The following RHBDD3 variants were observed in gnomAD, a reference collection of about 807,000 sequenced individuals.
RHBDD3 encodes rhomboid domain containing 3, also known as rhomboid domain-containing protein 3.
RHBDD3 carries 34 observed loss-of-function variants against 32.3 expected under a neutral mutation model. The observed-to-expected ratio is 1.05, with a 90% confidence interval of 0.80 to 1.40. RHBDD3 has a LOEUF of 1.40. RHBDD3 is among the 40% of genes most tolerant of loss of function. RHBDD3 has a pLI of 0.00. For synonymous variants in RHBDD3, 249 were observed against 239.1 expected, an observed-to-expected ratio of 1.04 and a Z score of -0.38; for missense variants, 482 against 492.6, an observed-to-expected ratio of 0.98 and a Z score of 0.20.
chr22:29,262,160 GGAGA>G (rs2058127918), intron 4 of RHBDD3: 5 of 61,570 alleles, frequency 8.1e-5, no homozygotes, highest in African/African-American at 2.1e-4. Flanking sequence ...TTTTTTTTTT[GGAGA>G]GAGTCTTGCT....
rs2058089015 is a variant in RHBDD3 at position 29,259,920 on chromosome 22, C to T, written c.*140G>A. On this transcript the variant is annotated 3_prime_UTR_variant, in exon 7 of 7. Transcript: ENST00000216085. ...TCTAAACACGTACTAGGGCAGCATGCTGGGGGGCCTCTCCTGCCTCCAGAG... is the reference window on the plus strand; with the variant it reads ...TCTAAACACGTACTAGGGCAGCATGTTGGGGGGCCTCTCCTGCCTCCAGAG... The T allele has an allele frequency of 1.3e-6, 1 of 797,478 alleles. No individual in the cohort carries two copies. Among genetic ancestry groups the T allele is most frequent in the Non-Finnish European group, 1.9e-6 (1 of 516,386 alleles). 49.4% of individuals were successfully genotyped at this position (797,478 alleles called of 1,614,324 possible). A position where few individuals can be genotyped will look rare whatever the true frequency, so the allele number is the denominator to read the frequency against.
rs760030020 is a variant in RHBDD3, at chr22:29,260,439, C to T, written c.870G>A (p.Ala290=). The change falls in exon 6 of 7, where the codon GCG becomes GCA. Residue 290 remains alanine (A), a synonymous_variant. Coordinates refer to ENST00000216085, the MANE Select transcript of RHBDD3 (RefSeq NM_012265.3). ...ASFSPGTPMW[A]ALDEQMLQEG... is the part of the protein sequence containing the mutation. Reference sequence around the variant, plus strand: ...CCTGCAGCATCTGCTCATCCAAGGCCGCCCACATCGGAGTCCCTGGGGAGA... The same window carrying T: ...CCTGCAGCATCTGCTCATCCAAGGCTGCCCACATCGGAGTCCCTGGGGAGA... 1.6e-5 allele frequency: 26 copies of T among 1,610,888 alleles called. No homozygotes were observed. In the Admixed American group the frequency reaches 1.7e-4, roughly 10 times the overall value.
chr22:29,263,473 C>T (rs1004092816), intron 4 of RHBDD3, among the ~76,000 whole-genome samples: 2 of 152,214 alleles, frequency 1.3e-5, no homozygotes, highest in African/African-American at 4.8e-5. Flanking sequence ...CCACTGCGCC[C>T]GGTCAGGCTT....
At chr22:29,266,275 A>G (rs2058176046) in intron 2 of RHBDD3, among the ~76,000 whole-genome samples, 1 of 152,016 alleles carries the variant, frequency 6.6e-6, no homozygotes, top group Admixed American at 6.5e-5. Flanking sequence ...CCCTTTCCAC[A>G]GGAAGGGTAC....
Position 29,265,481 on chromosome 22 carries a change from T to A in RHBDD3, c.146A>T (p.Gln49Leu), listed in dbSNP as rs1444429209. 9 of 1,527,242 alleles carry A rather than the reference T, an allele frequency of 5.9e-6. No homozygotes were observed. The highest frequency in any genetic ancestry group is 7.0e-6 in the Non-Finnish European group (8 of 1,144,856). The allele number at this position is 1,527,242 out of a possible 1,614,324, so 94.6% of individuals were successfully genotyped here. ...AGGTCCACGTGGCTGGCCCTCACCCTGCCAGGGGTCCAGCAACAGCTCCGG... is the reference window on the plus strand; with the variant it reads ...AGGTCCACGTGGCTGGCCCTCACCCAGCCAGGGGTCCAGCAACAGCTCCGG... ...LAPELLLDPW[Q>L]VHRLLTHALG... The change falls in exon 3 of 7, where the codon CAG becomes CTG. Residue 49 changes from glutamine (Q) to leucine (L), a missense_variant and splice_region_variant. Transcript: ENST00000216085.
Position 29,260,476 on chromosome 22 carries a change from G to A in RHBDD3, c.833C>T (p.Ala278Val). The change falls in exon 6 of 7, where the codon GCT (alanine) becomes GTT (valine). Residue 278 changes from alanine to valine, a missense_variant. By Grantham distance (64) the Ala-to-Val change is moderately conservative. Coordinates refer to ENST00000216085, the MANE Select transcript of RHBDD3 (RefSeq NM_012265.3). ...EGSSEAGLDW[A>V]GASFSPGTPM... ...AGTCCCTGGGGAGAAGCTGGCCCCA[G>A]CCCAGTCCAGGCCTGCCTCTGAGGA... 1 of 1,607,358 alleles carries A rather than the reference G, an allele frequency of 6.2e-7. No individual in the cohort carries two copies. The highest frequency in any genetic ancestry group is 8.5e-7 in the Non-Finnish European group (1 of 1,178,288).
Position 29,259,892 on chromosome 22 carries a change from TA to T in RHBDD3, c.*167del. ...CCAGGTTGAAAAACAAACTGGTTTT[TA>T]TTCTAAACACGTACTAGGGCAGCAT... On this transcript the variant is annotated 3_prime_UTR_variant, in exon 7 of 7. Transcript: ENST00000216085. 2 of 659,116 alleles carry T rather than the reference TA, an allele frequency of 3.0e-6. No individual in the cohort carries two copies. The highest frequency in any genetic ancestry group is 5.0e-6 in the Non-Finnish European group (2 of 396,206). The allele number at this position is 659,116 out of a possible 1,614,324, so 40.8% of individuals were successfully genotyped here. A position where few individuals can be genotyped will look rare whatever the true frequency, so the allele number is the denominator to read the frequency against.
chr22:29,261,351 C>T (rs1419037476), intron 4 of RHBDD3: 1 of 467,584 alleles, frequency 2.1e-6, no homozygotes, highest in Non-Finnish European at 4.4e-6. Context: ...AATCCCAGCA[C>T]TTGGGGAGGC....
intron 3 of RHBDD3, 38 bp downstream of exon 3, chr22:29,265,441 C>T (rs2058165073): frequency 6.8e-7 from 1 of 1,475,254 alleles, no homozygotes; most frequent in Non-Finnish European, 9.0e-7. Context: ...TACAGCAAGT[C>T]TCCTGCTTCC....
chr22:29,265,502 TCCGGGGCCAGGACCAGG>T lies in RHBDD3; in HGVS notation c.108_124del (p.Leu37AlafsTer95). On this transcript the variant is annotated frameshift_variant, in exon 3 of 7. Transcript: ENST00000216085. LOFTEE classifies it high-confidence loss of function. ...ACCCTGCCAGGGGTCCAGCAACAGC[TCCGGGGCCAGGACCAGG>T]CCGGGGCCGGCCCCCACCAGCCACA... 3.9e-6 allele frequency: 6 copies of T among 1,547,674 alleles called. No individual in the cohort carries two copies. The highest frequency in any genetic ancestry group is 5.2e-6 in the Non-Finnish European group (6 of 1,154,902).
At chr22:29,262,365 C>T (rs539238707) in intron 4 of RHBDD3, among the ~76,000 whole-genome samples, 1 of 152,274 alleles carries the variant, frequency 6.6e-6, no homozygotes, top group Non-Finnish European at 1.5e-5. Context: ...TCCTGAACTC[C>T]TGACCTCAAG....
At chr22:29,261,538 G>A in intron 4 of RHBDD3, 2 of 338,220 alleles carry the variant, frequency 5.9e-6, no homozygotes, top group South Asian at 4.4e-5. Flanking sequence ...AGGCTGTAGT[G>A]AGCTATGATG....
chr22:29,266,357 C>G (rs1348395156), intron 2 of RHBDD3, among the ~76,000 whole-genome samples: 1 of 152,146 alleles, frequency 6.6e-6, no homozygotes, highest in African/African-American at 2.4e-5. Context: ...ACAGATGAGC[C>G]TCATTTTACA....
Position 29,267,877 on chromosome 22 carries a change from G to A in RHBDD3, c.-324C>T, listed in dbSNP as rs960951942. On this transcript the variant is annotated 5_prime_UTR_variant, in exon 1 of 7. Coordinates refer to ENST00000216085, the MANE Select transcript of RHBDD3 (RefSeq NM_012265.3). Reference sequence around the variant, plus strand: ...CACACCCGGCCGCGTGACCCCTGCCGACCGGCTGGCGCGCCACCCATTCCC... The same window carrying A: ...CACACCCGGCCGCGTGACCCCTGCCAACCGGCTGGCGCGCCACCCATTCCC... 10 of 228,050 alleles carry A rather than the reference G, an allele frequency of 4.4e-5. No homozygotes were observed. Among genetic ancestry groups the A allele is most frequent in the African/African-American group, 2.0e-4 (9 of 44,718 alleles). 14.1% of individuals were successfully genotyped at this position (228,050 alleles called of 1,614,324 possible). A position where few individuals can be genotyped will look rare whatever the true frequency, so the allele number is the denominator to read the frequency against.
chr22:29,266,625 C>T (rs1470075270), intron 2 of RHBDD3, among the ~76,000 whole-genome samples: 1 of 152,184 alleles, frequency 6.6e-6, no homozygotes, highest in Non-Finnish European at 1.5e-5. Context: ...CCCTGCCCAC[C>T]AAAGCAAGGC....
intron 3 of RHBDD3, 160 bp from the exon 4 acceptor site, chr22:29,264,378 G>A: frequency 7.0e-7 from 1 of 1,429,090 alleles, no homozygotes; most frequent in Non-Finnish European, 9.2e-7. Context: ...TTAATCATTG[G>A]TGGAAGGGAC....
rs980364783 is a variant in RHBDD3 at position 29,260,686 on chromosome 22, C to A, written c.695+16G>T. 3.2e-6 allele frequency: 5 copies of A among 1,554,648 alleles called. No individual in the cohort carries two copies. The highest frequency in any genetic ancestry group is 1.4e-5 in the African/African-American group (1 of 73,810). On this transcript the variant is annotated intron_variant, in intron 5 of 6. Coordinates refer to ENST00000216085, the MANE Select transcript of RHBDD3 (RefSeq NM_012265.3). ...GTGCCCACCACCTGGACTGGCATCC[C>A]CCCCATCACCCTCACCTCACTCCGG...
chr22:29,267,915 A>C lies in RHBDD3; in HGVS notation c.-362T>G. ...GCCACCCATTCCCCGCGGCCCGCGG[A>C]TTAGTCAGCAGTTGTTCTAGTCCGG... On this transcript the variant is annotated 5_prime_UTR_variant, in exon 1 of 7. Transcript: ENST00000216085. The C allele has an allele frequency of 1.4e-4, 32 of 229,888 alleles. No individual in the cohort carries two copies. Among genetic ancestry groups the C allele is most frequent in the East Asian group, 2.7e-4 (4 of 15,086 alleles). 14.2% of individuals were successfully genotyped at this position (229,888 alleles called of 1,614,324 possible).
At chr22:29,263,741 C>T in intron 4 of RHBDD3, 94 bp downstream of exon 4, 1 of 1,444,392 alleles carries the variant, frequency 6.9e-7, no homozygotes, top group Non-Finnish European at 9.1e-7. Flanking sequence ...CTTGGTATTG[C>T]TTGGGCCTTC....
Sources: allele counts gnomAD v4.1 joint callset (sites outside exome capture counted in the v4.1 genomes callset), GRCh38; gene constraint gnomAD v4.1.1; transcripts MANE v1.5; gene names NCBI Gene and HGNC (gene_info 2026-07-23, HGNC 2026-07-21).